TMEFF2: variants seen among roughly 807,000 people sequenced by gnomAD.
TMEFF2 encodes transmembrane protein with EGF like and two follistatin like domains 2, also known as tomoregulin-2.
In TMEFF2, 28 loss-of-function variants were observed where a neutral mutation model predicts 53.8. That is an observed-to-expected ratio of 0.52 (90% CI 0.39 to 0.71). The LOEUF is 0.71. Ranked by LOEUF, TMEFF2 falls within the 30% of genes least tolerant of loss-of-function variation. TMEFF2 has a pLI of 0.00. For missense variants in TMEFF2, 353 were observed against 455.2 expected (o/e 0.78, Z 2.04); for synonymous variants, 162 against 166.3 (o/e 0.97, Z 0.20).
rs1214530025 is a variant in TMEFF2 at position 191,998,322 on chromosome 2, C to T, written c.686-1G>A. On this transcript the variant is annotated splice_acceptor_variant, in intron 6 of 9. Transcript: ENST00000272771. LOFTEE classifies it high-confidence loss of function. ...GACTTAGTAGTTGTAGTTGTGTTAT[C>T]TGTGTTAAAAAATTAACAATAAAAA... The T allele has an allele frequency of 1.9e-6, 3 of 1,596,680 alleles. No individual in the cohort carries two copies.
At chr2:192,133,452 G>A (rs1026352861) in intron 4 of TMEFF2, among the ~76,000 whole-genome samples, 1 of 152,082 alleles carries the variant, frequency 6.6e-6, no homozygotes, top group African/African-American at 2.4e-5. Context: ...GTTATCACTC[G>A]TCTGCTACAG....
chr2:192,022,075 A>G (rs532282232), intron 5 of TMEFF2: 19 of 152,294 alleles, frequency 1.2e-4, no homozygotes, highest in African/African-American at 4.1e-4. Context: ...AGCTATACCC[A>G]TTAGTCTCTG....
At chr2:192,122,678 G>T (rs1442695003) in intron 4 of TMEFF2, among the ~76,000 whole-genome samples, 1 of 151,922 alleles carries the variant, frequency 6.6e-6, no homozygotes, top group Admixed American at 6.6e-5. Context: ...ATTTAGTGTA[G>T]AATAATAAGT....
At chr2:191,981,376 A>G (rs1294602187) in intron 7 of TMEFF2, among the ~76,000 whole-genome samples, 1 of 152,050 alleles carries the variant, frequency 6.6e-6, no homozygotes, top group African/African-American at 2.4e-5. Context: ...TGCAAACACT[A>G]CCATTTTCTG....
intron 4 of TMEFF2, among the ~76,000 whole-genome samples, chr2:192,135,922 C>A (rs1473903184): frequency 6.6e-6 from 1 of 151,800 alleles, no homozygotes; most frequent in East Asian, 1.9e-4. Context: ...CCGCCCCTGC[C>A]CACCAGAGAA....
At chr2:192,033,864 C>G (rs1399721045) in intron 5 of TMEFF2, among the ~76,000 whole-genome samples, 1 of 152,058 alleles carries the variant, frequency 6.6e-6, no homozygotes, top group Non-Finnish European at 1.5e-5. Flanking sequence ...GAGGTTTGCA[C>G]CTCTTTCTCC....
At chr2:191,998,051 A>G (rs1292153916) in intron 7 of TMEFF2, among the ~76,000 whole-genome samples, 10 of 151,986 alleles carry the variant, frequency 6.6e-5, no homozygotes, top group African/African-American at 2.4e-4. Flanking sequence ...GACATTTTTG[A>G]CAATTGCTTT....
At chr2:192,076,738 T>A (rs1262237680) in intron 4 of TMEFF2, among the ~76,000 whole-genome samples, 1 of 152,166 alleles carries the variant, frequency 6.6e-6, no homozygotes, top group African/African-American at 2.4e-5. Flanking sequence ...AGCAATTTTG[T>A]ATTACTGGAT....
intron 4 of TMEFF2, among the ~76,000 whole-genome samples, chr2:192,116,798 G>A (rs768007582): frequency 3.9e-5 from 6 of 152,046 alleles, no homozygotes; most frequent in South Asian, 2.1e-4. Flanking sequence ...TTGTCATGAC[G>A]TAAGAAATTA....
chr2:192,130,186 T>C (rs1689781166), intron 4 of TMEFF2, among the ~76,000 whole-genome samples: 1 of 151,520 alleles, frequency 6.6e-6, no homozygotes, highest in Non-Finnish European at 1.5e-5. Flanking sequence ...GGATTGCAAA[T>C]ATAAAATAAT....
chr2:192,041,957 C>T (rs956750954), intron 5 of TMEFF2, among the ~76,000 whole-genome samples: 1 of 151,978 alleles, frequency 6.6e-6, no homozygotes, highest in African/African-American at 2.4e-5. Flanking sequence ...TGCCTGTAAT[C>T]CCATGGGCTG....
At chr2:192,111,903 A>G (rs1368595041) in intron 4 of TMEFF2, among the ~76,000 whole-genome samples, 3 of 152,204 alleles carry the variant, frequency 2.0e-5, no homozygotes, top group Admixed American at 2.0e-4. Context: ...AAGCCTTGGC[A>G]GTTTCCACGT....
At chr2:192,153,097 T>C (rs1387032500) in intron 4 of TMEFF2, among the ~76,000 whole-genome samples, 1 of 151,414 alleles carries the variant, frequency 6.6e-6, no homozygotes, top group African/African-American at 2.4e-5. Flanking sequence ...ATTTAATATT[T>C]ACTATTAAAT....
intron 7 of TMEFF2, among the ~76,000 whole-genome samples, chr2:191,987,013 T>C (rs974880455): frequency 6.6e-6 from 1 of 151,988 alleles, no homozygotes; most frequent in Non-Finnish European, 1.5e-5. Context: ...CCTCCTAACT[T>C]CTAGACCTCA....
chr2:192,084,120 A>G (rs935030280), intron 4 of TMEFF2, among the ~76,000 whole-genome samples: 3 of 152,244 alleles, frequency 2.0e-5, no homozygotes, highest in Admixed American at 2.0e-4. Context: ...CACACAACTC[A>G]TCGTGGTAGA....
chr2:191,969,775 C>T (rs557636729), intron 7 of TMEFF2, among the ~76,000 whole-genome samples: 8 of 152,170 alleles, frequency 5.3e-5, no homozygotes, highest in African/African-American at 1.4e-4. Context: ...AGAAGGCATA[C>T]CATCTCTTCT....
chr2:191,996,535 C>T (rs1040752740), intron 7 of TMEFF2, among the ~76,000 whole-genome samples: 1 of 151,648 alleles, frequency 6.6e-6, no homozygotes, highest in Non-Finnish European at 1.5e-5. Flanking sequence ...CAATTAGCCT[C>T]AGACTTTTAT....
intron 4 of TMEFF2, among the ~76,000 whole-genome samples, chr2:192,111,783 C>A (rs1213225167): frequency 6.6e-6 from 1 of 152,152 alleles, no homozygotes; most frequent in African/African-American, 2.4e-5. Context: ...CCATGGCCCC[C>A]CTGCTATGTG....
intron 4 of TMEFF2, among the ~76,000 whole-genome samples, chr2:192,080,098 T>G (rs373330243): frequency 3.3e-5 from 5 of 152,198 alleles, no homozygotes; most frequent in Non-Finnish European, 7.3e-5. Flanking sequence ...TCACATCAAT[T>G]AGACCACATT....
Sources: allele counts gnomAD v4.1 joint callset (sites outside exome capture counted in the v4.1 genomes callset), GRCh38; gene constraint gnomAD v4.1.1; transcripts MANE v1.5; gene names NCBI Gene and HGNC (gene_info 2026-07-23, HGNC 2026-07-21).